The following LAMA1 variants were observed in gnomAD, a reference collection of about 807,000 sequenced individuals.
LAMA1 encodes the protein laminin subunit alpha-1.
A neutral mutation model predicts 348.7 loss-of-function variants in LAMA1; 219 were observed. That is an observed-to-expected ratio of 0.63 (90% CI 0.56 to 0.70). The LOEUF (loss-of-function observed/expected upper bound fraction) is 0.70. Among genes scored for constraint, LAMA1 ranks in the 30% least tolerant of loss-of-function variants. The probability of loss-of-function intolerance (pLI) is 0.00; values close to 1 mark genes in which losing one functional copy is unlikely to be tolerated. For missense variants in LAMA1, 3,744 were observed against 3,888.0 expected, an observed-to-expected ratio of 0.96 and a Z score of 0.99; for synonymous variants, 1,487 against 1,491.0, an observed-to-expected ratio of 1.00 and a Z score of 0.06.
intron 3 of LAMA1, among the ~76,000 whole-genome samples, chr18:7,059,360 T>C (rs2058094323): frequency 6.6e-6 from 1 of 152,240 alleles, no homozygotes; most frequent in African/African-American, 2.4e-5. Context: ...TTGCTAAACC[T>C]GCAGCTGATA....
intron 1 of LAMA1, among the ~76,000 whole-genome samples, chr18:7,093,374 C>T (rs1215953857): frequency 6.6e-6 from 1 of 152,054 alleles, no homozygotes; most frequent in Non-Finnish European, 1.5e-5. Context: ...CAAGATCGCG[C>T]CACTGCACTC....
chr18:6,966,300 G>A lies in LAMA1; in HGVS notation c.6900-3C>T. 1 of 1,612,846 alleles carries A rather than the reference G, an allele frequency of 6.2e-7. No homozygotes were observed. The highest frequency in any genetic ancestry group is 1.3e-5 in the African/African-American group (1 of 75,032). On this transcript the variant is annotated splice_region_variant and splice_polypyrimidine_tract_variant and intron_variant, in intron 48 of 62. Coordinates refer to ENST00000389658, the MANE Select transcript of LAMA1 (RefSeq NM_005559.4). ...AGGAAGGGTCTTCATTCTGGGAGCT[G>A]CAAAGCAGAAGAGATGAAATAGAAT... is the stretch of plus-strand genomic sequence containing the variant.
At chr18:7,049,641 T>C (rs1009705035) in intron 4 of LAMA1, among the ~76,000 whole-genome samples, 1 of 152,184 alleles carries the variant, frequency 6.6e-6, no homozygotes, top group African/African-American at 2.4e-5. Flanking sequence ...GCCCTGATTG[T>C]CTAATGTCAG....
intron 1 of LAMA1, among the ~76,000 whole-genome samples, chr18:7,100,902 C>A (rs1052554189): frequency 6.6e-6 from 1 of 152,006 alleles, no homozygotes; most frequent in Non-Finnish European, 1.5e-5. Flanking sequence ...CCCAGCTACT[C>A]GGGAGTCTGA....
intron 1 of LAMA1, among the ~76,000 whole-genome samples, chr18:7,110,187 C>A (rs1008788109): frequency 6.9e-6 from 1 of 143,926 alleles, no homozygotes; most frequent in African/African-American, 2.9e-5. Flanking sequence ...TCCCCCCACC[C>A]GCTGCCAAAA....
At chr18:6,950,634 A>G in intron 58 of LAMA1, 148 bp downstream of exon 58, 1 of 920,182 alleles carries the variant, frequency 1.1e-6, no homozygotes, top group Admixed American at 2.0e-5. Context: ...CCCTGCCTTC[A>G]AGACTTGTAG....
intron 1 of LAMA1, among the ~76,000 whole-genome samples, chr18:7,107,354 G>T (rs1453505469): frequency 1.3e-5 from 2 of 151,896 alleles, no homozygotes; most frequent in African/African-American, 2.4e-5. Flanking sequence ...TCCTGACCTC[G>T]TGATCCACCC....
chr18:6,944,730 G>A (rs1235889085), intron 61 of LAMA1, among the ~76,000 whole-genome samples: 1 of 152,136 alleles, frequency 6.6e-6, no homozygotes, highest in Non-Finnish European at 1.5e-5. Context: ...CTAGTCTCTA[G>A]AGTGGCAAGA....
In LAMA1 at chr18:6,964,739, C is replaced by T. The variant is rs756729537; in HGVS notation, c.7260G>A (p.Pro2420=). The T allele has an allele frequency of 9.9e-6, 16 of 1,613,982 alleles. No individual in the cohort carries two copies. The highest frequency in any genetic ancestry group is 2.2e-5 in the East Asian group (1 of 44,872). The change falls in exon 51 of 63, where the codon CCG becomes CCA. Residue 2420 remains proline, a synonymous_variant. Transcript: ENST00000389658. ...GGCGGTTGAGGTCAGAAGATGCTCC[C>T]GGAGTCTCGCCCTGCTTGGTTTCTT... The part of the protein sequence containing the change: ...SNKETKQGET[P]GASSDLNRLD...
Position 7,037,836 on chromosome 18 carries a change from G to T in LAMA1, c.1564-85C>A, listed in dbSNP as rs1598292262. The stretch of plus-strand genomic sequence containing the variant: ...AGTGCAGCAGTAATATTTTCACAAT[G>T]AAGAAATGGGCCAGAAAGCTTCTCT... On this transcript the variant is annotated intron_variant, in intron 11 of 62. Transcript: ENST00000389658. 7.3e-6 allele frequency: 10 copies of T among 1,361,706 alleles called. No individual in the cohort carries two copies. The East Asian group carries it at 2.4e-4, about 33-fold the overall frequency. The allele number at this position is 1,361,706 out of a possible 1,614,324, so 84.4% of individuals were successfully genotyped here. A position where few individuals can be genotyped will look rare whatever the true frequency, so the allele number is the denominator to read the frequency against.
chr18:7,052,002 CA>C (rs2058063850), intron 3 of LAMA1, among the ~76,000 whole-genome samples: 1 of 152,132 alleles, frequency 6.6e-6, no homozygotes, highest in South Asian at 2.1e-4. Flanking sequence ...CCACCATTGC[CA>C]AAACTTGGAA....
At chr18:7,024,509 A>G in intron 17 of LAMA1, 43 bp from the exon 18 acceptor site, 1 of 1,478,840 alleles carries the variant, frequency 6.8e-7, no homozygotes, top group African/African-American at 1.4e-5. Flanking sequence ...CAATGGATGA[A>G]GCCGAATTTC....
chr18:6,986,555 T>TC (rs777301911), intron 36 of LAMA1, among the ~76,000 whole-genome samples: 1 of 76 alleles, frequency 0.013, no homozygotes, highest in Non-Finnish European at 0.022. Context: ...ACAAATTGTC[T>TC]TTTTTTTTTT....
At chr18:7,027,570 A>AG (rs34480009) in intron 16 of LAMA1, among the ~76,000 whole-genome samples, 33,594 of 146,728 alleles carry the variant, frequency 0.23, 4,140 homozygotes, top group African/African-American at 0.33. Flanking sequence ...ATCCACAATC[A>AG]GGGGAAAAAA....
chr18:6,961,105 G>A (rs942068110), intron 53 of LAMA1, among the ~76,000 whole-genome samples: 1 of 152,090 alleles, frequency 6.6e-6, no homozygotes, highest in African/African-American at 2.4e-5. Flanking sequence ...AAGGAAAATG[G>A]TCATCATTTC....
chr18:7,117,713 C>T lies in LAMA1; in HGVS notation c.8G>A (p.Gly3Glu), dbSNP rs574846009. The change falls in exon 1 of 63, where the codon GGG (glycine) becomes GAG (glutamate). Residue 3 changes from glycine to glutamate, a missense_variant. Around this residue, in one of 3 missense-constraint regions of LAMA1, gnomAD observed 1,529 missense variants for 1,689.4 expected, o/e 0.91. Transcript: ENST00000389658. ...CAGCAGCAAGACCAGGAGCACGCCCCCGCGCATCTCGCCTCCGCCGCCACT... is the reference window on the plus strand; with the variant it reads ...CAGCAGCAAGACCAGGAGCACGCCCTCGCGCATCTCGCCTCCGCCGCCACT... MRGGVLLVLLLCV... is the reference protein window; with the variant it reads MREGVLLVLLLCV... The T allele has an allele frequency of 1.9e-6, 3 of 1,598,104 alleles. No individual in the cohort carries two copies. Among genetic ancestry groups the T allele is most frequent in the Non-Finnish European group, 2.5e-6 (3 of 1,178,334 alleles).
chr18:7,095,126 C>T (rs1277826095), intron 1 of LAMA1, among the ~76,000 whole-genome samples: 1 of 17,312 alleles, frequency 5.8e-5, no homozygotes, highest in African/African-American at 5.3e-4. Flanking sequence ...GGACCTTTCT[C>T]TCTCTCTCTC....
At position 6,942,205 on chromosome 18, in the gene LAMA1, G is replaced by A; in HGVS notation, c.9102C>T (p.Thr3034=). 6.2e-7 allele frequency: 1 copy of A among 1,614,160 alleles called. No homozygotes were observed. Among genetic ancestry groups the A allele is most frequent in the Non-Finnish European group, 8.5e-7 (1 of 1,180,046 alleles). Residue 3034 remains threonine (T), a synonymous_variant, in exon 63 of 63, where the codon ACC becomes ACT. Coordinates refer to ENST00000389658, the MANE Select transcript of LAMA1 (RefSeq NM_005559.4). ...GVKQKCLRSQ[T]SFRGCLRKLA... The stretch of plus-strand genomic sequence containing the variant: ...GCTTCCTCAAACACCCGCGGAACGA[G>A]GTCTGGCTGCGCAGGCATTTTTGCT...
rs749492484 is a variant in LAMA1, at chr18:7,013,877, C to G, written c.3301G>C (p.Ala1101Pro). Residue 1101 changes from alanine (A) to proline (P), a missense_variant, in exon 23 of 63, where the codon GCC (alanine) becomes CCC (proline). Transcript: ENST00000389658. ...CAGAGACCCTGCTCCAGGTTGCAGG[C>G]GTCCCCCGACGTCCCCCTCAGGTCA... ...DCDLRGTSGD[A>P]CNLEQGLCGC... 5.0e-6 allele frequency: 8 copies of G among 1,611,454 alleles called. No individual in the cohort carries two copies. Among genetic ancestry groups the G allele is most frequent in the Non-Finnish European group, 6.8e-6 (8 of 1,178,780 alleles).
Sources: allele counts gnomAD v4.1 joint callset (sites outside exome capture counted in the v4.1 genomes callset), GRCh38; gene constraint gnomAD v4.1.1; regional missense constraint gnomAD v4.1.1; transcripts MANE v1.5; gene names NCBI Gene and HGNC (gene_info 2026-07-23, HGNC 2026-07-21).